The following P4HA2 variants were observed in gnomAD, a reference collection of about 807,000 sequenced individuals.
The protein encoded by P4HA2 is prolyl 4-hydroxylase subunit alpha 2, also known as prolyl 4-hydroxylase subunit alpha-2.
In P4HA2, 46 loss-of-function variants were observed where a neutral mutation model predicts 76.9. The ratio of observed to expected loss-of-function variants is 0.60; its 90% CI spans 0.47 to 0.76. The LOEUF (loss-of-function observed/expected upper bound fraction) is 0.76, where lower values mean the gene tolerates loss of function less well. Ranked by LOEUF, P4HA2 falls within the 30% of genes least tolerant of loss-of-function variation. The probability of loss-of-function intolerance (pLI) is 0.00; values close to 1 mark genes in which losing one functional copy is unlikely to be tolerated. For missense variants in P4HA2, 583 were observed against 669.4 expected (o/e 0.87, Z 1.42); for synonymous variants, 243 against 254.0 (o/e 0.96, Z 0.41).
intron 4 of P4HA2, among the ~76,000 whole-genome samples, chr5:132,216,467 G>T (rs780041392): frequency 1.6e-4 from 25 of 152,016 alleles, no homozygotes; most frequent in Non-Finnish European, 2.6e-4. Flanking sequence ...CCAATGACTT[G>T]ACCCATTTGA....
chr5:132,224,048 G>A (rs1225813150), intron 1 of P4HA2, among the ~76,000 whole-genome samples: 3 of 152,228 alleles, frequency 2.0e-5, no homozygotes, highest in African/African-American at 7.2e-5. Context: ...ACGCCTGGCT[G>A]GATCTCACCA....
intron 1 of P4HA2, among the ~76,000 whole-genome samples, chr5:132,219,127 G>C (rs1360842864): frequency 6.6e-6 from 1 of 152,198 alleles, no homozygotes; most frequent in African/African-American, 2.4e-5. Context: ...AAGATAATTT[G>C]ACACAATATC....
intron 5 of P4HA2, among the ~76,000 whole-genome samples, chr5:132,212,971 C>T (rs972526945): frequency 6.6e-6 from 1 of 152,182 alleles, no homozygotes; most frequent in Non-Finnish European, 1.5e-5. Flanking sequence ...TAAGCTGGGT[C>T]TGCATGAGCC....
chr5:132,204,098 A>G lies in P4HA2; in HGVS notation c.1135T>C (p.Tyr379His). 6.2e-7 allele frequency: 1 copy of G among 1,613,882 alleles called. No homozygotes were observed. Reference sequence around the variant, plus strand: ...TTTGCTTACCTTTTGGAAACCCGGTAGCTGGCGACAGTGAGGACTCCTGTC... The same window carrying G: ...TTTGCTTACCTTTTGGAAACCCGGTGGCTGGCGACAGTGAGGACTCCTGTC... ...PKTGVLTVAS[Y>H]RVSKSSWLEE... Residue 379 changes from tyrosine (Y) to histidine (H), a missense_variant, in exon 9 of 15, where the codon TAC becomes CAC. Physicochemically the swap from Tyr to His is moderately conservative, Grantham distance 83. Transcript: ENST00000360568.
In P4HA2 at chr5:132,225,069, A is replaced by G. The variant is rs532939682; in HGVS notation, c.-19+2721T>C. Among the ~76,000 whole-genome samples the G allele has an allele frequency of 7.5e-3, 1,098 of 145,616 alleles. 17 individuals carry two copies. The highest frequency in any genetic ancestry group is 0.026 in the African/African-American group (1,040 of 39,762). On this transcript the variant is annotated intron_variant, in intron 1 of 14. Coordinates refer to ENST00000360568, the MANE Select transcript of P4HA2 (RefSeq NM_001017974.2). ...CTGAGGAAAAAAAAAAAAAAAAAAA[A>G]CTGTCTTTCTATCTCTCATTCCATG...
intron 5 of P4HA2, among the ~76,000 whole-genome samples, chr5:132,211,848 C>T (rs1753135883): frequency 6.6e-6 from 1 of 152,176 alleles, no homozygotes; most frequent in African/African-American, 2.4e-5. Context: ...AAGATAATAT[C>T]ATCAATTTTA....
chr5:132,220,175 G>A (rs980028752), intron 1 of P4HA2, among the ~76,000 whole-genome samples: 1 of 152,216 alleles, frequency 6.6e-6, no homozygotes, highest in Non-Finnish European at 1.5e-5. Flanking sequence ...CAGAGTCCAG[G>A]CCCTCCTGGT....
intron 4 of P4HA2, 34 bp from the exon 5 acceptor site, chr5:132,214,087 T>G (rs1252908331): frequency 1.2e-6 from 2 of 1,607,678 alleles, no homozygotes; most frequent in Admixed American, 3.4e-5. Context: ...GAGATTACCC[T>G]TGATCCAGGG....
chr5:132,224,656 C>T (rs1755107121), intron 1 of P4HA2, among the ~76,000 whole-genome samples: 1 of 152,132 alleles, frequency 6.6e-6, no homozygotes, highest in Non-Finnish European at 1.5e-5. Flanking sequence ...AGGGGATAAC[C>T]CTGGAACTGG....
rs116476794 is a variant in P4HA2, at chr5:132,218,458, A to C, written c.82+87T>G. On this transcript the variant is annotated intron_variant, in intron 2 of 14. Coordinates refer to ENST00000360568, the MANE Select transcript of P4HA2 (RefSeq NM_001017974.2). The stretch of plus-strand genomic sequence containing the variant: ...CAAAACCAGTAGTTAAGGCTATCCC[A>C]CTCTAAATGAGAACAGGCTGCAGCC... The C allele has an allele frequency of 1.6e-3, 1,393 of 895,316 alleles. 14 individuals carry two copies. In the African/African-American group the frequency reaches 0.02, roughly 13 times the overall value. 55.5% of individuals were successfully genotyped at this position (895,316 alleles called of 1,614,324 possible). A position where few individuals can be genotyped will look rare whatever the true frequency, so the allele number is the denominator to read the frequency against.
In P4HA2 at chr5:132,191,069, T is replaced by G. The variant is rs74899953; in HGVS notation, c.*1941A>C. On this transcript the variant is annotated 3_prime_UTR_variant, in exon 15 of 15. Transcript: ENST00000360568. The stretch of plus-strand genomic sequence containing the variant: ...TTGTTTCTGGTAAGGGCCCCCTGGT[T>G]CATAGACAGGCATCTTCTTGCTGTG... Among the ~76,000 whole-genome samples, 839 of 152,330 alleles carry G rather than the reference T, an allele frequency of 5.5e-3. 9 individuals carry two copies. Among genetic ancestry groups the G allele is most frequent in the African/African-American group, 0.019 (798 of 41,572 alleles).
intron 12 of P4HA2, 139 bp downstream of exon 12, chr5:132,198,182 C>G (rs1488274813): frequency 6.2e-7 from 1 of 1,613,970 alleles, no homozygotes; most frequent in African/African-American, 1.3e-5. Context: ...CCCCTTAGGG[C>G]TCATCAGCAC....
At chr5:132,226,490 G>T (rs1173895156) in intron 1 of P4HA2, among the ~76,000 whole-genome samples, 3 of 151,788 alleles carry the variant, frequency 2.0e-5, no homozygotes, top group African/African-American at 7.3e-5. Flanking sequence ...TTTTTTTTAA[G>T]ATGGAGTCTC....
At position 132,217,866 on chromosome 5, in the gene P4HA2, A is replaced by AAGAC. The variant is rs772425565; in HGVS notation, c.83-22_83-19dup. On this transcript the variant is annotated intron_variant, in intron 2 of 14. Transcript: ENST00000360568. Reference sequence around the variant, plus strand: ...CATGTGCCCTGCAAGGGAGAGAAGAAAGACACCAGTGAGAAACAGATGAGG... The same window carrying AAGAC: ...CATGTGCCCTGCAAGGGAGAGAAGAAAGACAGACACCAGTGAGAAACAGATGAGG... The AAGAC allele has an allele frequency of 6.7e-7, 1 of 1,502,902 alleles. No homozygotes were observed. The highest frequency in any genetic ancestry group is 9.2e-7 in the Non-Finnish European group (1 of 1,084,548). 93.1% of individuals were successfully genotyped at this position (1,502,902 alleles called of 1,614,324 possible).
At chr5:132,225,562 T>C (rs1213304848) in intron 1 of P4HA2, among the ~76,000 whole-genome samples, 2 of 152,218 alleles carry the variant, frequency 1.3e-5, no homozygotes, top group Non-Finnish European at 2.9e-5. Context: ...CCCTGGCACA[T>C]GGCCAGCTGC....
At chr5:132,208,461 G>A in intron 7 of P4HA2, among the ~76,000 whole-genome samples, 1 of 120,838 alleles carries the variant, frequency 8.3e-6, no homozygotes, top group Non-Finnish European at 1.7e-5. Context: ...GAGGGGAGAG[G>A]AGAGGAGAGC....
chr5:132,194,562 C>A (rs933898375), intron 14 of P4HA2, among the ~76,000 whole-genome samples: 1 of 151,938 alleles, frequency 6.6e-6, no homozygotes, highest in Non-Finnish European at 1.5e-5. Flanking sequence ...TTAGCCTGTG[C>A]CTCCATCCAT....
At chr5:132,214,395 G>A (rs1753569636) in intron 4 of P4HA2, among the ~76,000 whole-genome samples, 1 of 152,122 alleles carries the variant, frequency 6.6e-6, no homozygotes, top group African/African-American at 2.4e-5. Flanking sequence ...GATAGAGAGG[G>A]TAACTGAGAA....
At chr5:132,204,614 C>T (rs981150090) in intron 8 of P4HA2, among the ~76,000 whole-genome samples, 1 of 152,148 alleles carries the variant, frequency 6.6e-6, no homozygotes, top group Admixed American at 6.5e-5. Flanking sequence ...ACCATCCTTC[C>T]GAACCTCAGT....
Sources: allele counts gnomAD v4.1 joint callset (sites outside exome capture counted in the v4.1 genomes callset), GRCh38; gene constraint gnomAD v4.1.1; transcripts MANE v1.5; gene names NCBI Gene and HGNC (gene_info 2026-07-23, HGNC 2026-07-21).